The following COL18A1 variants were observed in gnomAD, a reference collection of about 807,000 sequenced individuals.
The protein encoded by COL18A1 is collagen alpha-1(XVIII) chain.
In COL18A1, 133 loss-of-function variants were observed where a neutral mutation model predicts 168.0. The observed-to-expected ratio is 0.79, with a 90% CI of 0.69 to 0.91. The LOEUF (loss-of-function observed/expected upper bound fraction) is 0.91. Ranked by LOEUF, COL18A1 falls within the 40% of genes least tolerant of loss-of-function variation. The pLI, the probability that COL18A1 is intolerant of heterozygous loss-of-function variation, is 0.00. For missense variants in COL18A1, 2,126 were observed against 1,925.4 expected (o/e 1.10, Z -1.95); for synonymous variants, 949 against 809.0 (o/e 1.17, Z -2.94).
rs781334856 is a variant in COL18A1, at chr21:45,455,519, C to T, written c.107-12723C>T. The T allele has an allele frequency of 1.4e-5, 22 of 1,611,918 alleles. No individual in the cohort carries two copies. In the Middle Eastern group the frequency reaches 9.1e-4, roughly 67 times the overall value. ...CCCTCCCGCCGCCCGCAGCTCCAGC[C>T]GCACTGCCCCGATGGCTCCCTACCC... On this transcript the variant is annotated intron_variant, in intron 2 of 41. Transcript: ENST00000651438.
chr21:45,481,803 G>C (rs1377299764), intron 13 of COL18A1, among the ~76,000 whole-genome samples, 160 bp from the exon 14 acceptor site: 4 of 152,230 alleles, frequency 2.6e-5, no homozygotes, highest in African/African-American at 9.6e-5. Flanking sequence ...TACGCAGGCT[G>C]TGGGGTCTCC....
At chr21:45,442,667 C>G (rs1262140704) in intron 2 of COL18A1, among the ~76,000 whole-genome samples, 3 of 123,664 alleles carry the variant, frequency 2.4e-5, no homozygotes, top group Non-Finnish European at 5.0e-5. Flanking sequence ...GTGTGGGCGG[C>G]GGTCCTGGTG....
Position 45,498,347 on chromosome 21 carries a change from G to A in COL18A1, c.2683+686G>A, listed in dbSNP as rs534867274. Reference sequence around the variant, plus strand: ...CTCGCCGCCAGGGTCCCCTCTCACCGCCAGGGTTCCCTCTCGCCACCACGG... The same window carrying A: ...CTCGCCGCCAGGGTCCCCTCTCACCACCAGGGTTCCCTCTCGCCACCACGG... On this transcript the variant is annotated intron_variant, in intron 32 of 41. Coordinates refer to ENST00000651438, the MANE Select transcript of COL18A1 (RefSeq NM_001379500.1). This position sits in a 1 kb window ranked among gnomAD's most constrained non-coding sequence, Gnocchi z 4.5. 102 of 623,394 alleles carry A rather than the reference G, an allele frequency of 1.6e-4. No homozygotes were observed. The highest frequency in any genetic ancestry group is 4.9e-4 in the African/African-American group (23 of 47,318). 38.6% of individuals were successfully genotyped at this position (623,394 alleles called of 1,614,324 possible).
Position 45,507,574 on chromosome 21 carries a change from C to A in COL18A1, c.3230C>A (p.Thr1077Lys). Residue 1077 changes from threonine (T) to lysine (K), a missense_variant, in exon 38 of 42, where the codon ACA becomes AAA. Physicochemically the swap from Thr to Lys is moderately conservative, Grantham distance 78 (BLOSUM62 -1). Transcript: ENST00000651438. ...GCTTTCTTCCAGCTGGAGGCCCGGA[C>A]ACCACTCCCACGAGGGACGGTAAGG... ...GFRKVQLEAR[T>K]PLPRGTDNEV... The A allele has an allele frequency of 6.2e-7, 1 of 1,613,044 alleles. No homozygotes were observed. Among genetic ancestry groups the A allele is most frequent in the Non-Finnish European group, 8.5e-7 (1 of 1,179,904 alleles).
In COL18A1 at chr21:45,492,557, G is replaced by A. The variant is rs377720407; in HGVS notation, c.2180G>A (p.Gly727Glu). The A allele has an allele frequency of 6.2e-6, 10 of 1,613,138 alleles. No homozygotes were observed. The African/African-American group carries it at 1.2e-4, about 19-fold the overall frequency. ...CAGGGATCCGTCCTGAGCGTGCCGG[G>A]ACCTGAGGTATGTGCCTGCCCAGCT... ...EQDGSVLSVP[G>E]PEGRPGFAGF... Residue 727 changes from glycine (G) to glutamate (E), a missense_variant, in exon 23 of 42, where the codon GGA (glycine) becomes GAA (glutamate). By Grantham distance (98) the Gly-to-Glu change is moderately conservative. Coordinates refer to ENST00000651438, the MANE Select transcript of COL18A1 (RefSeq NM_001379500.1).
intron 39 of COL18A1, 82 bp from the exon 40 acceptor site, chr21:45,509,982 G>T: frequency 6.8e-7 from 1 of 1,464,618 alleles, no homozygotes; most frequent in Non-Finnish European, 9.2e-7. Flanking sequence ...CCACACAGGT[G>T]CGGGGCCGGG....
At chr21:45,432,854 G>C (rs548314210) in intron 2 of COL18A1, among the ~76,000 whole-genome samples, 3 of 152,166 alleles carry the variant, frequency 2.0e-5, no homozygotes, top group African/African-American at 7.2e-5. Context: ...CGGTACAGCC[G>C]GGAGGGGCCT....
At chr21:45,460,476 G>A (rs1303809788) in intron 2 of COL18A1, among the ~76,000 whole-genome samples, 1 of 152,202 alleles carries the variant, frequency 6.6e-6, no homozygotes, top group African/African-American at 2.4e-5. Flanking sequence ...ACATTCGGAG[G>A]TCAGTGGGAG....
intron 6 of COL18A1, among the ~76,000 whole-genome samples, 178 bp downstream of exon 6, chr21:45,476,658 TGTG>T (rs991011490): frequency 1.4e-4 from 21 of 150,878 alleles, no homozygotes; most frequent in African/African-American, 5.1e-4. Flanking sequence ...AGGTGTTTGA[TGTG>T]TGGTGTGTGA....
At chr21:45,444,324 C>T (rs180706558) in intron 2 of COL18A1, among the ~76,000 whole-genome samples, 262 of 139,428 alleles carry the variant, frequency 1.9e-3, no homozygotes, top group African/African-American at 6.9e-3. Flanking sequence ...GAGTAGGTGG[C>T]GTGCAGGGGT....
chr21:45,474,663 A>C (rs2838936), intron 4 of COL18A1, among the ~76,000 whole-genome samples: 27,619 of 72,404 alleles, frequency 0.38, 2,570 homozygotes, highest in Middle Eastern at 0.5. Flanking sequence ...ACAGCAGGGA[A>C]TTCTCACTCA....
Position 45,423,494 on chromosome 21 carries a change from GC to G in COL18A1, c.106+18027del, listed in dbSNP as rs1250978645. 1.4e-5 allele frequency among the ~76,000 whole-genome samples: 1 copy of G among 72,138 alleles called. No homozygotes were observed. The highest frequency in any genetic ancestry group is 1.4e-4 in the Admixed American group (1 of 7,296). The allele number at this position is 72,138 out of a possible 152,430, so 47.3% of individuals were successfully genotyped here. A position where few individuals can be genotyped will look rare whatever the true frequency, so the allele number is the denominator to read the frequency against. ...ACACACAGCTGGGCGCCCGCCCCCC[GC>G]CCCCCGCCCCCCGGAGGGCCCGGCT... On this transcript the variant is annotated intron_variant, in intron 2 of 41. Coordinates refer to ENST00000651438, the MANE Select transcript of COL18A1 (RefSeq NM_001379500.1). This position sits in a 1 kb window ranked among gnomAD's most constrained non-coding sequence, Gnocchi z 4.0.
intron 41 of COL18A1, among the ~76,000 whole-genome samples, chr21:45,511,595 T>C (rs938769760): frequency 2.0e-5 from 3 of 151,948 alleles, no homozygotes; most frequent in African/African-American, 7.3e-5. Context: ...TCCGAGCATG[T>C]GTGCCCTTAA....
In COL18A1 at chr21:45,437,780, ACT is replaced by A. The variant is rs762086832; in HGVS notation, c.107-30460_107-30459del. Among the ~76,000 whole-genome samples the A allele has an allele frequency of 6.5e-5, 4 of 61,620 alleles. 1 individual carries two copies. The highest frequency in any genetic ancestry group is 2.7e-4 in the Admixed American group (2 of 7,324). The allele number at this position is 61,620 out of a possible 152,430, so 40.4% of individuals were successfully genotyped here. A position where few individuals can be genotyped will look rare whatever the true frequency, so the allele number is the denominator to read the frequency against. On this transcript the variant is annotated intron_variant, in intron 2 of 41. Coordinates refer to ENST00000651438, the MANE Select transcript of COL18A1 (RefSeq NM_001379500.1). Reference sequence around the variant, plus strand: ...CAGGCACTCTCCTGCACACACACACACTCACTCACACACAGACACACAGGCAC... The same window carrying A: ...CAGGCACTCTCCTGCACACACACACACACTCACACACAGACACACAGGCAC...
Position 45,497,644 on chromosome 21 carries a change from G to GC in COL18A1, c.2673dup (p.Gly892ArgfsTer9), listed in dbSNP as rs749009747. 89 of 1,568,360 alleles carry GC rather than the reference G, an allele frequency of 5.7e-5. No individual in the cohort carries two copies. The highest frequency in any genetic ancestry group is 1.7e-4 in the Middle Eastern group (1 of 6,030). On this transcript the variant is annotated frameshift_variant, in exon 32 of 42. Coordinates refer to ENST00000651438, the MANE Select transcript of COL18A1 (RefSeq NM_001379500.1). LOFTEE classifies it high-confidence loss of function. ...CCCAAGGGCGCCAAAGGAGAAGTGG[G>GC]CCCCCCCGGACCACCAGGTGAGCAA...
chr21:45,444,128 C>T (rs1033047932), intron 2 of COL18A1, among the ~76,000 whole-genome samples: 3 of 152,206 alleles, frequency 2.0e-5, no homozygotes, highest in Non-Finnish European at 2.9e-5. Context: ...GTGGTCGTCC[C>T]GTGGCGTCCT....
At chr21:45,478,233 G>T (rs764624430) in intron 8 of COL18A1, 94 bp from the exon 9 acceptor site, 2 of 1,543,560 alleles carry the variant, frequency 1.3e-6, no homozygotes, top group South Asian at 1.1e-5. Context: ...CGCCTCGTGG[G>T]GACTTGGAGC....
chr21:45,425,396 C>T lies in COL18A1; in HGVS notation c.106+19923C>T, dbSNP rs888567251. Among the ~76,000 whole-genome samples, 1 of 152,184 alleles carries T rather than the reference C, an allele frequency of 6.6e-6. No homozygotes were observed. The highest frequency in any genetic ancestry group is 6.5e-5 in the Admixed American group (1 of 15,282). ...GACCCTGGTGCTGACACAGAGTCAGCGGGTCCCTGGGGTCCCTGCAACTGT... is the reference window on the plus strand; with the variant it reads ...GACCCTGGTGCTGACACAGAGTCAGTGGGTCCCTGGGGTCCCTGCAACTGT... On this transcript the variant is annotated intron_variant, in intron 2 of 41. Coordinates refer to ENST00000651438, the MANE Select transcript of COL18A1 (RefSeq NM_001379500.1). The surrounding 1 kb of genome is among the most constrained non-coding windows in gnomAD (Gnocchi z 4.1).
Position 45,405,424 on chromosome 21 carries a change from C to T in COL18A1, c.57C>T (p.Leu19=). ...GGCGGCGGCGCCTCCTGGACGTGCT[C>T]GCGCCCCTGGTCCTGCTGCTCGGGG... ...WPRRRRLLDV[L]APLVLLLGVR... Residue 19 remains leucine, a synonymous_variant, in exon 2 of 42, where the codon CTC becomes CTT. Coordinates refer to ENST00000651438, the MANE Select transcript of COL18A1 (RefSeq NM_001379500.1). The T allele has an allele frequency of 7.3e-7, 1 of 1,361,696 alleles. No individual in the cohort carries two copies. 84.4% of individuals were successfully genotyped at this position (1,361,696 alleles called of 1,614,324 possible).
Sources: allele counts gnomAD v4.1 joint callset (sites outside exome capture counted in the v4.1 genomes callset), GRCh38; gene constraint gnomAD v4.1.1; non-coding constraint Gnocchi (gnomAD v3.1); transcripts MANE v1.5; gene names NCBI Gene and HGNC (gene_info 2026-07-23, HGNC 2026-07-21).